The following CAST variants were observed in gnomAD, a reference collection of about 807,000 sequenced individuals.
CAST encodes the protein calpastatin, also known as MIR583 host.
A neutral mutation model predicts 119.6 loss-of-function variants in CAST; 76 were observed. That is an observed-to-expected ratio of 0.64 (90% CI 0.53 to 0.77). CAST has a LOEUF of 0.77. CAST is among the 30% of genes least tolerant of loss of function. The pLI, the probability that CAST is intolerant of heterozygous loss-of-function variation, is 0.00. For synonymous variants in CAST, 319 were observed against 331.6 expected (o/e 0.96, Z 0.41); for missense variants, 953 against 946.5 (o/e 1.01, Z -0.09).
At chr5:96,241,596 G>A in the CAST span, among the ~76,000 whole-genome samples, 1 of 145,688 alleles carries the variant, frequency 6.9e-6, no homozygotes, top group Non-Finnish European at 1.5e-5. Context: ...GGATGGCTGG[G>A]TCAAATGGTA....
the CAST span, among the ~76,000 whole-genome samples, chr5:96,273,784 T>C: frequency 6.6e-6 from 1 of 152,208 alleles, no homozygotes; most frequent in East Asian, 1.9e-4. Context: ...ACAATGTAGA[T>C]ATCTCTTCAC....
chr5:96,435,843 A>T, the CAST span, among the ~76,000 whole-genome samples: 1 of 152,224 alleles, frequency 6.6e-6, no homozygotes, highest in African/African-American at 2.4e-5. Context: ...TGCTCAAAGG[A>T]GATCTATAGA....
chr5:96,593,445 C>A (rs1158650097), intron 1 of CAST, among the ~76,000 whole-genome samples: 1 of 152,160 alleles, frequency 6.6e-6, no homozygotes, highest in Non-Finnish European at 1.5e-5. Context: ...TGAAGGGCCC[C>A]ACACTTTATT....
intron 1 of CAST, among the ~76,000 whole-genome samples, chr5:96,553,763 GACAA>G (rs1206371262): frequency 2.0e-5 from 3 of 152,120 alleles, no homozygotes; most frequent in African/African-American, 7.2e-5. Flanking sequence ...ACCAATAACA[GACAA>G]ACAGAGAGCC....
rs1165025129 is a variant in CAST at position 96,754,975 on chromosome 5, G to GT, written c.1710+238dup. ...AAATCTAATGTCTAAGCTACCTAAT[G>GT]TTTTCCTTTCTAACCCACAGCTTGT... On this transcript the variant is annotated intron_variant, in intron 22 of 31. Coordinates refer to ENST00000675179, the MANE Select transcript of CAST (RefSeq NM_001750.7). The GT allele has an allele frequency of 1.3e-5, 4 of 305,384 alleles. No homozygotes were observed. The Admixed American group carries it at 2.0e-4, about 15-fold the overall frequency. 18.9% of individuals were successfully genotyped at this position (305,384 alleles called of 1,614,324 possible). A position where few individuals can be genotyped will look rare whatever the true frequency, so the allele number is the denominator to read the frequency against.
intron 1 of CAST, among the ~76,000 whole-genome samples, chr5:96,648,535 TTAAG>T: frequency 6.6e-6 from 1 of 152,284 alleles, no homozygotes; most frequent in Non-Finnish European, 1.5e-5. Context: ...ATCTGTATAT[TTAAG>T]TTTCAGCACT....
At chr5:96,360,424 A>G in the CAST span, among the ~76,000 whole-genome samples, 1 of 151,756 alleles carries the variant, frequency 6.6e-6, no homozygotes, top group Non-Finnish European at 1.5e-5. Context: ...TGGTTTTTGA[A>G]TTTTCAGCCA....
chr5:96,463,408 A>G, the CAST span, among the ~76,000 whole-genome samples: 14 of 152,040 alleles, frequency 9.2e-5, no homozygotes, highest in African/African-American at 2.9e-4. Context: ...CAAATTCTCA[A>G]AGTTAACTTT....
the CAST span, among the ~76,000 whole-genome samples, chr5:96,167,975 C>T: frequency 2.3e-3 from 351 of 152,190 alleles, no homozygotes; most frequent in African/African-American, 7.4e-3. Flanking sequence ...TAGATTTCCA[C>T]CATGGGAAGG....
intron 3 of CAST, 129 bp from the exon 4 acceptor site, chr5:96,722,510 T>G: frequency 1.5e-6 from 1 of 673,430 alleles, no homozygotes; most frequent in Non-Finnish European, 2.7e-6. Context: ...TCCTACTAGA[T>G]TTTTGTGCTC....
chr5:96,277,314 A>T, the CAST span, among the ~76,000 whole-genome samples: 2 of 151,916 alleles, frequency 1.3e-5, no homozygotes, highest in Admixed American at 6.6e-5. Context: ...CAATGTCTAA[A>T]TTCCATTTCC....
chr5:96,539,266 G>C (rs1745873895), intron 1 of CAST, among the ~76,000 whole-genome samples: 1 of 152,148 alleles, frequency 6.6e-6, no homozygotes, highest in Admixed American at 6.5e-5. Context: ...ATTCTAATGG[G>C]TAATGCAAAC....
the CAST span, among the ~76,000 whole-genome samples, chr5:96,441,840 A>G: frequency 6.6e-6 from 1 of 152,110 alleles, no homozygotes; most frequent in Non-Finnish European, 1.5e-5. Context: ...CCTTTCTGTG[A>G]TTATGCGTAT....
the CAST span, among the ~76,000 whole-genome samples, chr5:96,263,138 T>G: frequency 6.6e-6 from 1 of 152,260 alleles, no homozygotes; most frequent in Non-Finnish European, 1.5e-5. Context: ...TTTCTTGCAG[T>G]AGGGTATGGG....
At chr5:96,105,188 C>T in the CAST span, among the ~76,000 whole-genome samples, 2 of 150,906 alleles carry the variant, frequency 1.3e-5, no homozygotes, top group Non-Finnish European at 2.9e-5. Context: ...CAAACAGGGA[C>T]AATTTGACTT....
At chr5:96,209,435 G>GT in the CAST span, among the ~76,000 whole-genome samples, 2 of 151,828 alleles carry the variant, frequency 1.3e-5, no homozygotes, top group East Asian at 1.9e-4. Context: ...AATTAAGTGT[G>GT]TTTTTTTAGT....
the CAST span, among the ~76,000 whole-genome samples, chr5:96,300,408 A>G: frequency 2.5e-3 from 386 of 152,282 alleles, 4 homozygotes; most frequent in East Asian, 0.016. Flanking sequence ...TCAATTGACC[A>G]TAGATATGTG....
At chr5:96,402,372 G>A in the CAST span, among the ~76,000 whole-genome samples, 3 of 152,278 alleles carry the variant, frequency 2.0e-5, no homozygotes, top group African/African-American at 7.2e-5. Flanking sequence ...GGCCCCTCAT[G>A]TTCTTTCCAT....
At chr5:96,402,505 C>T in the CAST span, among the ~76,000 whole-genome samples, 1 of 152,102 alleles carries the variant, frequency 6.6e-6, no homozygotes, top group Admixed American at 6.5e-5. Flanking sequence ...GGTGCTTCTC[C>T]ACTCCCGTAC....
Sources: gnomAD v4.1 joint callset for allele counts (sites outside exome capture counted in the v4.1 genomes callset) on GRCh38, gnomAD v4.1.1 for gene constraint, MANE v1.5 for transcripts, NCBI Gene and HGNC (gene_info 2026-07-23, HGNC 2026-07-21) for gene names.